Variants in ATG4B observed in about 807,000 individuals in gnomAD.
ATG4B encodes autophagy related 4B cysteine peptidase.
In ATG4B, 29 loss-of-function variants were observed where a neutral mutation model predicts 56.6. The observed-to-expected ratio is 0.51, with a 90% CI of 0.38 to 0.70. The LOEUF is 0.70. ATG4B is among the 30% of genes least tolerant of loss of function. The pLI is 0.00. For synonymous variants in ATG4B, 224 were observed against 206.1 expected (o/e 1.09, Z -0.74); for missense variants, 461 against 515.5 (o/e 0.89, Z 1.02).
At chr2:241,649,784 C>CTTTT (rs111624909) in intron 1 of ATG4B, among the ~76,000 whole-genome samples, 1 of 137,512 alleles carries the variant, frequency 7.3e-6, no homozygotes, top group African/African-American at 2.7e-5. Flanking sequence ...TTTTCTTTTT[C>CTTTT]TTTTTTTTTT....
chr2:241,651,260 C>T lies in ATG4B; in HGVS notation c.113-4C>T, dbSNP rs1386165998. 1 of 1,594,790 alleles carries T rather than the reference C, an allele frequency of 6.3e-7. No individual in the cohort carries two copies. Among genetic ancestry groups the T allele is most frequent in the Non-Finnish European group, 8.5e-7 (1 of 1,170,678 alleles). On this transcript the variant is annotated splice_polypyrimidine_tract_variant and splice_region_variant and intron_variant, in intron 2 of 12. Transcript: ENST00000404914. The surrounding 1 kb of genome is among the most constrained non-coding windows in gnomAD (Gnocchi z 4.1). ...GTGTTTTTTTTCTTTTAAACAACCTCTAGAAAAGGACGAGATCTTGTCTGA... is the reference window on the plus strand; with the variant it reads ...GTGTTTTTTTTCTTTTAAACAACCTTTAGAAAAGGACGAGATCTTGTCTGA...
At chr2:241,670,889 G>T in intron 11 of ATG4B, 107 bp downstream of exon 11, 2 of 1,187,458 alleles carry the variant, frequency 1.7e-6, no homozygotes. Flanking sequence ...CAGCCTCACT[G>T]GGCCGTGGGG....
chr2:241,657,670 A>ACCAGTG, intron 6 of ATG4B, among the ~76,000 whole-genome samples: 1 of 152,228 alleles, frequency 6.6e-6, no homozygotes, highest in Admixed American at 6.5e-5. Flanking sequence ...GGCCCATTCA[A>ACCAGTG]AATATGTCCA....
rs2068969747 is a variant in ATG4B, at chr2:241,671,506, G to A, written c.1108+101G>A. 2.6e-6 allele frequency: 4 copies of A among 1,553,990 alleles called. No homozygotes were observed. In the African/African-American group the frequency reaches 4.1e-5, roughly 16 times the overall value. On this transcript the variant is annotated intron_variant, in intron 12 of 12. Coordinates refer to ENST00000404914, the MANE Select transcript of ATG4B (RefSeq NM_013325.5). Reference sequence around the variant, plus strand: ...TGGTTTTGACCATTAAGGTGTGTGTGAGCCTGAGCCGTGAGCACTTGGCAG... The same window carrying A: ...TGGTTTTGACCATTAAGGTGTGTGTAAGCCTGAGCCGTGAGCACTTGGCAG...
At chr2:241,640,536 G>A (rs1208369717) in intron 1 of ATG4B, among the ~76,000 whole-genome samples, 2 of 152,212 alleles carry the variant, frequency 1.3e-5, no homozygotes, top group Non-Finnish European at 2.9e-5. Flanking sequence ...TAGACACTAG[G>A]ACTAGAGAAG....
chr2:241,639,415 G>A (rs988620075), intron 1 of ATG4B, among the ~76,000 whole-genome samples: 3 of 152,240 alleles, frequency 2.0e-5, no homozygotes, highest in South Asian at 4.1e-4. Flanking sequence ...CGTCCCCGCT[G>A]CTTCCCTTTG....
intron 4 of ATG4B, among the ~76,000 whole-genome samples, chr2:241,653,881 A>G (rs572115150): frequency 6.6e-6 from 1 of 151,970 alleles, no homozygotes; most frequent in South Asian, 2.1e-4. Flanking sequence ...AGTCCCAGCT[A>G]CTTCGGAGAC....
intron 1 of ATG4B, among the ~76,000 whole-genome samples, chr2:241,649,761 TTTTTTC>T (rs1253791518): frequency 6.6e-6 from 1 of 152,004 alleles, no homozygotes; most frequent in Non-Finnish European, 1.5e-5. Context: ...TTTCTTTCTT[TTTTTTC>T]TTTTTCTTTT....
rs758870571 is a variant in ATG4B, at chr2:241,668,530, A to T, written c.812-10A>T. ...GGCCACCCACCTGCCCACCTGCCTC[A>T]TCCTCCCAGGTGAGGAGCTCATCTA... On this transcript the variant is annotated splice_polypyrimidine_tract_variant and intron_variant, in intron 9 of 12. Transcript: ENST00000404914. The surrounding 1 kb of genome is among the most constrained non-coding windows in gnomAD (Gnocchi z 4.2). 1 of 1,606,250 alleles carries T rather than the reference A, an allele frequency of 6.2e-7. No individual in the cohort carries two copies. The highest frequency in any genetic ancestry group is 1.7e-5 in the Admixed American group (1 of 59,546).
At chr2:241,652,610 C>T (rs376112749) in intron 3 of ATG4B, among the ~76,000 whole-genome samples, 1 of 152,226 alleles carries the variant, frequency 6.6e-6, no homozygotes, top group Admixed American at 6.5e-5. Flanking sequence ...AGTTCTCCCT[C>T]CTCAGCCTCC....
At chr2:241,654,991 T>C (rs777237165) in intron 5 of ATG4B, 48 of 577,520 alleles carry the variant, frequency 8.3e-5, no homozygotes, top group South Asian at 2.1e-4. Flanking sequence ...AGTTGGCCTT[T>C]CTTGCAAGCA....
chr2:241,667,212 C>G (rs901914458), intron 8 of ATG4B, among the ~76,000 whole-genome samples: 4 of 152,086 alleles, frequency 2.6e-5, no homozygotes, highest in Non-Finnish European at 5.9e-5. Flanking sequence ...GAGGTCCCTT[C>G]GGAGGGTGGG....
intron 1 of ATG4B, 123 bp from the exon 2 acceptor site, chr2:241,650,887 G>T (rs1417755692): frequency 3.9e-6 from 3 of 774,494 alleles, no homozygotes; most frequent in Non-Finnish European, 4.2e-6. Context: ...ACGAGAGGGA[G>T]TGCTGCTGTT....
At position 241,672,478 on chromosome 2, in the gene ATG4B, G is replaced by T. The variant is rs1244575681; in HGVS notation, c.*214G>T. 3 of 588,128 alleles carry T rather than the reference G, an allele frequency of 5.1e-6. No homozygotes were observed. The highest frequency in any genetic ancestry group is 4.6e-4 in the Middle Eastern group (1 of 2,196). The allele number at this position is 588,128 out of a possible 1,614,324, so 36.4% of individuals were successfully genotyped here. A position where few individuals can be genotyped will look rare whatever the true frequency, so the allele number is the denominator to read the frequency against. ...CAGCTCAGAGTGCCCGTCAGGGCCT[G>T]TGCATCCGCACGCGGAGCCGTCTGT... is the stretch of plus-strand genomic sequence containing the variant. On this transcript the variant is annotated 3_prime_UTR_variant, in exon 13 of 13. Transcript: ENST00000404914.
chr2:241,640,945 C>T (rs1450967454), intron 1 of ATG4B, among the ~76,000 whole-genome samples: 3 of 152,074 alleles, frequency 2.0e-5, no homozygotes, highest in Non-Finnish European at 2.9e-5. Flanking sequence ...GGATGGCAGC[C>T]GTTTGGAAGG....
rs1282149272 is a variant in ATG4B at position 241,637,729 on chromosome 2, G to A, written c.10+5G>A. On this transcript the variant is annotated splice_donor_5th_base_variant and intron_variant, in intron 1 of 12. Coordinates refer to ENST00000404914, the MANE Select transcript of ATG4B (RefSeq NM_013325.5). ...GGACTGGGAAGATGGACGCAGGTGAGGAGTTGCCGGGGGTCGGTCTTTCCG... is the reference window on the plus strand; with the variant it reads ...GGACTGGGAAGATGGACGCAGGTGAAGAGTTGCCGGGGGTCGGTCTTTCCG... 1.3e-6 allele frequency: 2 copies of A among 1,576,962 alleles called. No homozygotes were observed. Among genetic ancestry groups the A allele is most frequent in the South Asian group, 2.3e-5 (2 of 87,696 alleles).
chr2:241,670,292 G>GTGT (rs2068921711), intron 10 of ATG4B, among the ~76,000 whole-genome samples: 2 of 152,144 alleles, frequency 1.3e-5, no homozygotes, highest in South Asian at 4.2e-4. Context: ...CTGTGTCACG[G>GTGT]TGTCCTTGGG....
chr2:241,650,665 AC>A (rs2068202060), intron 1 of ATG4B, among the ~76,000 whole-genome samples: 1 of 151,562 alleles, frequency 6.6e-6, no homozygotes, highest in Admixed American at 6.6e-5. Context: ...TTGCTTTCTC[AC>A]CCCTCAGGTT....
chr2:241,645,733 C>T (rs1433362072), intron 1 of ATG4B, among the ~76,000 whole-genome samples: 3 of 152,160 alleles, frequency 2.0e-5, no homozygotes, highest in Admixed American at 2.0e-4. Context: ...TTGCAGCGTC[C>T]TCCACAGTAC....
Sources: allele counts gnomAD v4.1 joint callset (sites outside exome capture counted in the v4.1 genomes callset), GRCh38; gene constraint gnomAD v4.1.1; non-coding constraint Gnocchi (gnomAD v3.1); transcripts MANE v1.5; gene names NCBI Gene and HGNC (gene_info 2026-07-23, HGNC 2026-07-21).